Variants in ZMAT4 observed in about 807,000 individuals in gnomAD.
The protein encoded by ZMAT4 is zinc finger matrin-type 4.
ZMAT4 carries 17 observed loss-of-function variants against 28.7 expected under a neutral mutation model. The ratio of observed to expected loss-of-function variants is 0.59; its 90% CI spans 0.41 to 0.89. ZMAT4 has a LOEUF of 0.89. Ranked by LOEUF, ZMAT4 falls within the 40% of genes least tolerant of loss-of-function variation. The pLI, the probability that ZMAT4 is intolerant of heterozygous loss-of-function variation, is 0.00. For missense variants in ZMAT4, 240 were observed against 283.8 expected (o/e 0.85, Z 1.11); for synonymous variants, 117 against 109.2 (o/e 1.07, Z -0.44).
intron 6 of ZMAT4, among the ~76,000 whole-genome samples, chr8:40,574,996 T>G (rs1006651698): frequency 2.0e-5 from 3 of 152,206 alleles, no homozygotes; most frequent in African/African-American, 7.2e-5. Flanking sequence ...TGCTGGAGTG[T>G]GACCTGTTCT....
chr8:40,771,223 A>G (rs923100213), intron 2 of ZMAT4, among the ~76,000 whole-genome samples: 3 of 151,012 alleles, frequency 2.0e-5, no homozygotes, highest in Non-Finnish European at 2.9e-5. Flanking sequence ...ATACATATAT[A>G]TGTACCTACA....
At chr8:40,776,133 T>C (rs1305857882) in intron 2 of ZMAT4, among the ~76,000 whole-genome samples, 7 of 151,744 alleles carry the variant, frequency 4.6e-5, no homozygotes, top group Admixed American at 1.3e-4. Flanking sequence ...ACATATGCCA[T>C]CCATCTACAC....
At chr8:40,796,303 G>A (rs1034715642) in intron 2 of ZMAT4, among the ~76,000 whole-genome samples, 3 of 152,136 alleles carry the variant, frequency 2.0e-5, no homozygotes, top group African/African-American at 7.2e-5. Context: ...AAGGCATATC[G>A]CCTGCCATGC....
chr8:40,745,654 G>C (rs752352835), intron 3 of ZMAT4, among the ~76,000 whole-genome samples: 2 of 152,078 alleles, frequency 1.3e-5, no homozygotes, highest in Non-Finnish European at 2.9e-5. Context: ...ACGGCAGATG[G>C]CACATTCCTT....
chr8:40,604,273 A>G (rs1366445353), intron 5 of ZMAT4, among the ~76,000 whole-genome samples: 1 of 152,182 alleles, frequency 6.6e-6, no homozygotes, highest in Non-Finnish European at 1.5e-5. Flanking sequence ...AGAAGTGGTG[A>G]AAGTGGGCAT....
chr8:40,773,127 C>T (rs1446131410), intron 2 of ZMAT4, among the ~76,000 whole-genome samples: 1 of 152,194 alleles, frequency 6.6e-6, no homozygotes, highest in Non-Finnish European at 1.5e-5. Flanking sequence ...GAATGGAACT[C>T]TTTTCCAAAT....
intron 1 of ZMAT4, among the ~76,000 whole-genome samples, chr8:40,836,859 T>G (rs2150622820): frequency 6.6e-6 from 1 of 152,262 alleles, no homozygotes; most frequent in Admixed American, 6.5e-5. Flanking sequence ...GGGTGCTCAT[T>G]CTGTTATTAA....
At chr8:40,799,490 C>T (rs538458141) in intron 2 of ZMAT4, among the ~76,000 whole-genome samples, 53 of 152,172 alleles carry the variant, frequency 3.5e-4, no homozygotes, top group African/African-American at 1.2e-3. Flanking sequence ...TGCCTCTTTA[C>T]ATTGGAGTTT....
intron 2 of ZMAT4, among the ~76,000 whole-genome samples, chr8:40,800,442 C>T (rs1327793196): frequency 6.6e-6 from 1 of 152,150 alleles, no homozygotes; most frequent in African/African-American, 2.4e-5. Flanking sequence ...AATACACATT[C>T]TCAAACTTAT....
intron 6 of ZMAT4, among the ~76,000 whole-genome samples, chr8:40,537,205 C>A (rs756510959): frequency 1.3e-5 from 2 of 152,130 alleles, no homozygotes; most frequent in Non-Finnish European, 2.9e-5. Flanking sequence ...TGGACCCTAA[C>A]AGGTTATAGA....
At chr8:40,865,743 C>T (rs760410189) in intron 1 of ZMAT4, among the ~76,000 whole-genome samples, 12 of 152,196 alleles carry the variant, frequency 7.9e-5, no homozygotes, top group Admixed American at 1.3e-4. Context: ...GACTCGAACC[C>T]GGACTTTTAG....
chr8:40,554,160 A>G (rs1368028853), intron 6 of ZMAT4, among the ~76,000 whole-genome samples: 5 of 152,160 alleles, frequency 3.3e-5, no homozygotes, highest in Non-Finnish European at 7.4e-5. Flanking sequence ...AGGTGACATT[A>G]TCCCTAAATA....
intron 2 of ZMAT4, among the ~76,000 whole-genome samples, chr8:40,806,608 A>G (rs952053739): frequency 6.6e-6 from 1 of 152,226 alleles, no homozygotes; most frequent in Admixed American, 6.5e-5. Context: ...TTCACATTTC[A>G]TTGAATAGAG....
intron 6 of ZMAT4, among the ~76,000 whole-genome samples, chr8:40,549,661 T>C (rs545231136): frequency 6.6e-6 from 1 of 152,290 alleles, no homozygotes; most frequent in South Asian, 2.1e-4. Context: ...GTCACTGCTA[T>C]AGTTCAAAAC....
At chr8:40,670,307 A>G (rs1808613158) in intron 5 of ZMAT4, among the ~76,000 whole-genome samples, 1 of 152,244 alleles carries the variant, frequency 6.6e-6, no homozygotes, top group Non-Finnish European at 1.5e-5. Context: ...TATTTTCTGC[A>G]ACTTTCTGTA....
At chr8:40,679,918 T>A (rs944359895) in intron 4 of ZMAT4, among the ~76,000 whole-genome samples, 2 of 152,184 alleles carry the variant, frequency 1.3e-5, no homozygotes, top group Admixed American at 1.3e-4. Flanking sequence ...TATGAGAGAC[T>A]AAAGAAATAT....
intron 3 of ZMAT4, among the ~76,000 whole-genome samples, chr8:40,725,810 C>G (rs1384955916): frequency 6.6e-6 from 1 of 152,130 alleles, no homozygotes; most frequent in African/African-American, 2.4e-5. Flanking sequence ...GATTTCATGT[C>G]AGCCTACTTT....
chr8:40,613,339 T>A (rs375946309), intron 5 of ZMAT4, among the ~76,000 whole-genome samples: 3 of 151,520 alleles, frequency 2.0e-5, no homozygotes, highest in Non-Finnish European at 4.4e-5. Flanking sequence ...CCTGCCACCA[T>A]GCCCGGCTAA....
chr8:40,622,389 G>A (rs2722434), intron 5 of ZMAT4, among the ~76,000 whole-genome samples: 147,080 of 152,272 alleles, frequency 0.97, 71,245 homozygotes, highest in East Asian at 1. Context: ...TGAGGCCAGG[G>A]TTTTGTATTT....
Sources: gnomAD v4.1 joint callset for allele counts (sites outside exome capture counted in the v4.1 genomes callset) on GRCh38, gnomAD v4.1.1 for gene constraint, MANE v1.5 for transcripts, NCBI Gene and HGNC (gene_info 2026-07-23, HGNC 2026-07-21) for gene names.